The following SPOCD1 variants were observed in gnomAD, a reference collection of about 807,000 sequenced individuals.
The protein encoded by SPOCD1 is SPOC domain containing 1.
A neutral mutation model predicts 92.2 loss-of-function variants in SPOCD1; 64 were observed. That is an observed-to-expected ratio of 0.69 (90% CI 0.57 to 0.86). The LOEUF (loss-of-function observed/expected upper bound fraction) is 0.86. Ranked by LOEUF, SPOCD1 falls within the 40% of genes least tolerant of loss-of-function variation. The pLI, the probability that SPOCD1 is intolerant of heterozygous loss-of-function variation, is 0.00. For missense variants in SPOCD1, 1,360 were observed against 1,543.1 expected (o/e 0.88, Z 1.99); for synonymous variants, 578 against 619.3 (o/e 0.93, Z 0.99).
In SPOCD1 at chr1:31,811,107, G is replaced by A. The variant is rs1458551723; in HGVS notation, c.1383+2844C>T. On this transcript the variant is annotated intron_variant, in intron 2 of 15. Coordinates refer to ENST00000360482, the MANE Select transcript of SPOCD1 (RefSeq NM_144569.7). ...ATATCAGACTCCTGGCAGTTCTGGG[G>A]CCCACTTCATTCTCCCCACTTCATA... Among the ~76,000 whole-genome samples, 4 of 152,150 alleles carry A rather than the reference G, an allele frequency of 2.6e-5. No homozygotes were observed. The East Asian group carries it at 5.8e-4, about 22-fold the overall frequency.
Position 31,798,180 on chromosome 1 carries a change from C to T in SPOCD1, c.2145+27G>A, listed in dbSNP as rs767327511. On this transcript the variant is annotated intron_variant, in intron 9 of 15. Coordinates refer to ENST00000360482, the MANE Select transcript of SPOCD1 (RefSeq NM_144569.7). This position sits in a 1 kb window ranked among gnomAD's most constrained non-coding sequence, Gnocchi z 4.1. ...CCCACTCTGCCCCTACATCCCCTCACCCATCCCGACTGGGCTCAGCACTCA... is the reference window on the plus strand; with the variant it reads ...CCCACTCTGCCCCTACATCCCCTCATCCATCCCGACTGGGCTCAGCACTCA... The T allele has an allele frequency of 7.6e-6, 12 of 1,570,380 alleles. No homozygotes were observed. In the African/African-American group the frequency reaches 1.3e-4, roughly 18 times the overall value.
At position 31,793,382 on chromosome 1, in the gene SPOCD1, G is replaced by C; in HGVS notation, c.2581C>G (p.Leu861Val). The change falls in exon 13 of 16, where the codon CTG (leucine) becomes GTG (valine). Residue 861 changes from leucine to valine, a missense_variant. Transcript: ENST00000360482. ...LHVPAAPTKA[L>V]PCLPPWEGVL... ...CCTTCCCAGGGTGGCAGGCAGGGCA[G>C]GGCCTTTGTGGGTGCAGCAGGCACA... is the stretch of plus-strand genomic sequence containing the variant. The C allele has an allele frequency of 6.3e-7, 1 of 1,592,096 alleles. No homozygotes were observed. The highest frequency in any genetic ancestry group is 8.6e-7 in the Non-Finnish European group (1 of 1,169,302).
At position 31,815,360 on chromosome 1, in the gene SPOCD1, C is replaced by G; in HGVS notation, c.-27G>C. 1 of 1,516,360 alleles carries G rather than the reference C, an allele frequency of 6.6e-7. No individual in the cohort carries two copies. Among genetic ancestry groups the G allele is most frequent in the South Asian group, 1.3e-5 (1 of 74,776 alleles). The allele number at this position is 1,516,360 out of a possible 1,614,324, so 93.9% of individuals were successfully genotyped here. On this transcript the variant is annotated 5_prime_UTR_variant, in exon 2 of 16. Coordinates refer to ENST00000360482, the MANE Select transcript of SPOCD1 (RefSeq NM_144569.7). Reference sequence around the variant, plus strand: ...TCTGTCCACCTACCTGGGCCAAAAGCACAACACGGGCCCTGTGTGGAGACA... The same window carrying G: ...TCTGTCCACCTACCTGGGCCAAAAGGACAACACGGGCCCTGTGTGGAGACA...
Position 31,799,503 on chromosome 1 carries a change from C to CCTGGGAGCTGTAGGG in SPOCD1, c.1784-19_1784-18insCCCTACAGCTCCCAG. ...GAGCTGAGCTGTAGGGAGAGAGCGT[C>CCTGGGAGCTGTAGGG]ACAGGCTCCCAGGGGTGCCCAGGGG... is the stretch of plus-strand genomic sequence containing the variant. On this transcript the variant is annotated intron_variant, in intron 6 of 15. Transcript: ENST00000360482. The CCTGGGAGCTGTAGGG allele has an allele frequency of 6.2e-7, 1 of 1,602,006 alleles. No homozygotes were observed.
intron 13 of SPOCD1, 94 bp from the exon 14 acceptor site, chr1:31,792,861 CA>C: frequency 3.1e-6 from 3 of 976,854 alleles, no homozygotes; most frequent in Non-Finnish European, 3.2e-6. Flanking sequence ...CAGCCTGTGG[CA>C]AATATGGGCA....
rs1649540430 is a variant in SPOCD1 at position 31,815,985 on chromosome 1, C to G, written c.-64G>C. ...CCTGGGCTTCCCTGAGTTTTCCCTC[C>G]TGGGGTTCCACCCACTAGCTGAAAA... On this transcript the variant is annotated 5_prime_UTR_variant, in exon 1 of 16. Transcript: ENST00000360482. 6.6e-6 allele frequency: 1 copy of G among 152,402 alleles called. No individual in the cohort carries two copies. Among genetic ancestry groups the G allele is most frequent in the South Asian group, 2.1e-4 (1 of 4,832 alleles). 9.4% of individuals were successfully genotyped at this position (152,402 alleles called of 1,614,324 possible). A position where few individuals can be genotyped will look rare whatever the true frequency, so the allele number is the denominator to read the frequency against.
Position 31,796,576 on chromosome 1 carries a change from G to A in SPOCD1, c.2271+14C>T, listed in dbSNP as rs1197687975. ...ATGGGCTCTGCCCAGCACCAGGTCA[G>A]GCTCCAACTTAACCACCAGATCCTC... On this transcript the variant is annotated intron_variant, in intron 10 of 15. Coordinates refer to ENST00000360482, the MANE Select transcript of SPOCD1 (RefSeq NM_144569.7). The A allele has an allele frequency of 2.5e-6, 4 of 1,614,262 alleles. No individual in the cohort carries two copies. The highest frequency in any genetic ancestry group is 3.4e-6 in the Non-Finnish European group (4 of 1,180,044).
chr1:31,815,519 G>T, intron 1 of SPOCD1, 147 bp from the exon 2 acceptor site: 1 of 502,912 alleles, frequency 2.0e-6, no homozygotes, highest in Non-Finnish European at 3.3e-6. Context: ...CCAGGGAGGG[G>T]AGCACCCAGC....
At chr1:31,801,828 C>G in intron 2 of SPOCD1, 123 bp from the exon 3 acceptor site, 1 of 831,634 alleles carries the variant, frequency 1.2e-6, no homozygotes, top group Non-Finnish European at 2.0e-6. Context: ...CTGAGTTGTA[C>G]TTACAGCAAA....
chr1:31,799,680 AGCTATAG>A (rs977749963), intron 6 of SPOCD1, 122 bp downstream of exon 6: 86 of 1,189,488 alleles, frequency 7.2e-5, no homozygotes, highest in Non-Finnish European at 9.8e-5. Flanking sequence ...TTTGGGGAGG[AGCTATAG>A]GCTGATGGGA....
intron 2 of SPOCD1, among the ~76,000 whole-genome samples, chr1:31,805,569 T>TGGG (rs1397384626): frequency 1.3e-5 from 2 of 151,704 alleles, no homozygotes; most frequent in African/African-American, 2.4e-5. Flanking sequence ...CTACCAAAAT[T>TGGG]TTTTTTTAAA....
In SPOCD1 at chr1:31,791,266, A is replaced by C; in HGVS notation, c.2988T>G (p.Pro996=). 6.5e-7 allele frequency: 1 copy of C among 1,547,392 alleles called. No homozygotes were observed. Residue 996 remains proline (P), a synonymous_variant, in exon 16 of 16, where the codon CCT becomes CCG. Transcript: ENST00000360482. The stretch of plus-strand genomic sequence containing the variant: ...TGACCTCCAGACCTGGGGAAAGGAG[A>C]GGGGAGACAGGAAGAGCCCAAAGGC... ...GPGLWALPVS[P]LLSPGLEVTH...
chr1:31,809,270 A>C (rs753979952), intron 2 of SPOCD1, among the ~76,000 whole-genome samples: 1 of 152,214 alleles, frequency 6.6e-6, no homozygotes, highest in African/African-American at 2.4e-5. Flanking sequence ...ACACCACAGC[A>C]TATCTCCATT....
chr1:31,791,359 T>C (rs2149093685), intron 15 of SPOCD1, 68 bp from the exon 16 acceptor site: 1 of 1,303,590 alleles, frequency 7.7e-7, no homozygotes, highest in South Asian at 1.8e-5. Context: ...GAAGGGCTTC[T>C]TCACAGTGAG....
chr1:31,796,518 C>A lies in SPOCD1; in HGVS notation c.2271+72G>T, dbSNP rs374490993. On this transcript the variant is annotated intron_variant, in intron 10 of 15. Coordinates refer to ENST00000360482, the MANE Select transcript of SPOCD1 (RefSeq NM_144569.7). ...GTCAGGTGACATGCCCAAGACCACACTGCTGGTGAGGCGAGGCGTGGGACC... is the reference window on the plus strand; with the variant it reads ...GTCAGGTGACATGCCCAAGACCACAATGCTGGTGAGGCGAGGCGTGGGACC... 17 of 1,612,998 alleles carry A rather than the reference C, an allele frequency of 1.1e-5. No homozygotes were observed. The African/African-American group carries it at 1.9e-4, about 18-fold the overall frequency.
At chr1:31,809,783 GCT>G (rs1170817534) in intron 2 of SPOCD1, among the ~76,000 whole-genome samples, 1 of 152,116 alleles carries the variant, frequency 6.6e-6, no homozygotes. Context: ...AACAGAAGAA[GCT>G]CTCTCTGTAA....
chr1:31,812,705 G>A (rs911330464), intron 2 of SPOCD1, among the ~76,000 whole-genome samples: 1 of 152,166 alleles, frequency 6.6e-6, no homozygotes, highest in Non-Finnish European at 1.5e-5. Context: ...AAAGTGCTTA[G>A]CCCAATATCC....
chr1:31,813,811 T>C, intron 2 of SPOCD1, 140 bp downstream of exon 2: 5 of 708,978 alleles, frequency 7.1e-6, no homozygotes, highest in Non-Finnish European at 6.4e-6. Context: ...GGGCCTCATT[T>C]TACCCAGTTT....
intron 14 of SPOCD1, 48 bp downstream of exon 14, chr1:31,792,630 G>A: frequency 7.0e-7 from 1 of 1,438,350 alleles, no homozygotes; most frequent in Non-Finnish European, 9.5e-7. Context: ...GAGGGAGGTG[G>A]GAGTAAGGTA....
Sources: allele counts gnomAD v4.1 joint callset (sites outside exome capture counted in the v4.1 genomes callset), GRCh38; gene constraint gnomAD v4.1.1; non-coding constraint Gnocchi (gnomAD v3.1); transcripts MANE v1.5; gene names NCBI Gene and HGNC (gene_info 2026-07-23, HGNC 2026-07-21).